The following HBZ variants were observed in gnomAD, a reference collection of about 807,000 sequenced individuals.
The protein encoded by HBZ is hemoglobin zeta chain.
HBZ carries 2 observed loss-of-function variants against 5.8 expected under a neutral mutation model. The observed-to-expected ratio is 0.34, with a 90% CI of 0.14 to 1.09. HBZ has a LOEUF of 1.09. HBZ is among the 50% of genes least tolerant of loss of function. The probability of loss-of-function intolerance (pLI) is 0.42; values close to 1 mark genes in which losing one functional copy is unlikely to be tolerated. For missense variants in HBZ, 47 were observed against 97.8 expected (o/e 0.48, Z 2.19); for synonymous variants, 39 against 47.4 (o/e 0.82, Z 0.73).
rs1468839037 is a variant in HBZ at position 152,979 on chromosome 16, A to T, written c.70A>T (p.Thr24Ser). ...MWAKISTQAD[T>S]IGTETLERLF... ...GGCCAAGATCTCCACGCAGGCCGAC[A>T]CCATCGGCACCGAGACTCTGGAGAG... Residue 24 changes from threonine (T) to serine (S), a missense_variant, in exon 1 of 3, where the codon ACC becomes TCC. Coordinates refer to ENST00000252951, the MANE Select transcript of HBZ (RefSeq NM_005332.3). 2 of 1,609,726 alleles carry T rather than the reference A, an allele frequency of 1.2e-6. No individual in the cohort carries two copies. The highest frequency in any genetic ancestry group is 2.2e-5 in the South Asian group (2 of 90,980).
rs980406468 is a variant in HBZ at position 152,781 on chromosome 16, C to T, written c.-129C>T. ...AACACCACCCCTGCAGCCCCCTCCC[C>T]TCACCTGACCAATGGCCACAGCCTG... On this transcript the variant is annotated 5_prime_UTR_variant, in exon 1 of 3. Coordinates refer to ENST00000252951, the MANE Select transcript of HBZ (RefSeq NM_005332.3). 3.3e-5 allele frequency: 49 copies of T among 1,477,440 alleles called. No homozygotes were observed. The highest frequency in any genetic ancestry group is 4.5e-6 in the Non-Finnish European group (5 of 1,103,550). The allele number at this position is 1,477,440 out of a possible 1,614,324, so 91.5% of individuals were successfully genotyped here.
intron 1 of HBZ, among the ~76,000 whole-genome samples, 197 bp downstream of exon 1, chr16:153,201 G>C (rs1326298807): frequency 3.7e-4 from 57 of 152,094 alleles, no homozygotes; most frequent in African/African-American, 1.3e-3. Context: ...CCGTGGAGAG[G>C]GGACAGTGAG....
rs111716204 is a variant in HBZ, at chr16:154,411, C to G, written c.*11C>G. ...GAGAAGTACCGCTGAGCGCCGCCTC[C>G]GGGACCCCCAGGACAGGCTGCGGCC... On this transcript the variant is annotated 3_prime_UTR_variant, in exon 3 of 3. Coordinates refer to ENST00000252951, the MANE Select transcript of HBZ (RefSeq NM_005332.3). 7.5e-3 allele frequency: 11,217 copies of G among 1,493,610 alleles called. 578 individuals are homozygous for G. The African/African-American group carries it at 0.14, about 18-fold the overall frequency. The allele number at this position is 1,493,610 out of a possible 1,614,324, so 92.5% of individuals were successfully genotyped here.
rs914709234 is a variant in HBZ, at chr16:152,649, C to G, written c.-261C>G. 1.8e-6 allele frequency: 1 copy of G among 557,290 alleles called. No individual in the cohort carries two copies. Among genetic ancestry groups the G allele is most frequent in the African/African-American group, 1.9e-5 (1 of 52,676 alleles). The allele number at this position is 557,290 out of a possible 1,614,324, so 34.5% of individuals were successfully genotyped here. On this transcript the variant is annotated 5_prime_UTR_variant, in exon 1 of 3. Coordinates refer to ENST00000252951, the MANE Select transcript of HBZ (RefSeq NM_005332.3). ...CTCTCCTAGACTCTGTGGTCAGACTCTGGCCAACACCCCCTGTAAGGCCAC... is the reference window on the plus strand; with the variant it reads ...CTCTCCTAGACTCTGTGGTCAGACTGTGGCCAACACCCCCTGTAAGGCCAC...
rs751257941 is a variant in HBZ, at chr16:154,448, C to G, written c.*48C>G. The G allele has an allele frequency of 2.3e-6, 3 of 1,325,860 alleles. No individual in the cohort carries two copies. The highest frequency in any genetic ancestry group is 2.5e-5 in the Admixed American group (1 of 40,118). 82.1% of individuals were successfully genotyped at this position (1,325,860 alleles called of 1,614,324 possible). A position where few individuals can be genotyped will look rare whatever the true frequency, so the allele number is the denominator to read the frequency against. ...GACAGGCTGCGGCCCCTCCCCCGTC[C>G]TGGAGGTTCCCCAGCCCCACTTACC... is the stretch of plus-strand genomic sequence containing the variant. On this transcript the variant is annotated 3_prime_UTR_variant, in exon 3 of 3. Transcript: ENST00000252951.
chr16:154,456 T>G lies in HBZ; in HGVS notation c.*56T>G. The G allele has an allele frequency of 8.0e-7, 1 of 1,256,482 alleles. No individual in the cohort carries two copies. 77.8% of individuals were successfully genotyped at this position (1,256,482 alleles called of 1,614,324 possible). A position where few individuals can be genotyped will look rare whatever the true frequency, so the allele number is the denominator to read the frequency against. ...GCGGCCCCTCCCCCGTCCTGGAGGT[T>G]CCCCAGCCCCACTTACCGCGTAATG... is the stretch of plus-strand genomic sequence containing the variant. On this transcript the variant is annotated 3_prime_UTR_variant, in exon 3 of 3. Transcript: ENST00000252951.
At position 154,458 on chromosome 16, in the gene HBZ, C is replaced by G; in HGVS notation, c.*58C>G. ...GGCCCCTCCCCCGTCCTGGAGGTTC[C>G]CCAGCCCCACTTACCGCGTAATGCG... is the stretch of plus-strand genomic sequence containing the variant. On this transcript the variant is annotated 3_prime_UTR_variant, in exon 3 of 3. Coordinates refer to ENST00000252951, the MANE Select transcript of HBZ (RefSeq NM_005332.3). 1 of 1,220,082 alleles carries G rather than the reference C, an allele frequency of 8.2e-7. No individual in the cohort carries two copies. The highest frequency in any genetic ancestry group is 1.1e-6 in the Non-Finnish European group (1 of 907,994). 75.6% of individuals were successfully genotyped at this position (1,220,082 alleles called of 1,614,324 possible). A position where few individuals can be genotyped will look rare whatever the true frequency, so the allele number is the denominator to read the frequency against.
At position 153,925 on chromosome 16, in the gene HBZ, C is replaced by T. The variant is rs1901659051; in HGVS notation, c.129C>T (p.Tyr43=). 1 of 15,742 alleles carries T rather than the reference C, an allele frequency of 6.4e-5. No homozygotes were observed. Among genetic ancestry groups the T allele is most frequent in the East Asian group, 1.1e-3 (1 of 892 alleles). The allele number at this position is 15,742 out of a possible 1,614,324, so 1.0% of individuals were successfully genotyped here. A position where few individuals can be genotyped will look rare whatever the true frequency, so the allele number is the denominator to read the frequency against. The change falls in exon 2 of 3, where the codon TAC becomes TAT. Residue 43 remains tyrosine, a synonymous_variant. Transcript: ENST00000252951. The part of the protein sequence containing the change: ...LFLSHPQTKT[Y]FPHFDLHPGS... Reference sequence around the variant, plus strand: ...TCAGCCACCCGCAGACCAAGACCTACTTCCCGCACTTCGACCTGCACCCGG... The same window carrying T: ...TCAGCCACCCGCAGACCAAGACCTATTTCCCGCACTTCGACCTGCACCCGG...
chr16:153,009 G>C lies in HBZ; in HGVS notation c.95+5G>C, dbSNP rs757635402. On this transcript the variant is annotated splice_donor_5th_base_variant and intron_variant, in intron 1 of 2. Coordinates refer to ENST00000252951, the MANE Select transcript of HBZ (RefSeq NM_005332.3). ...CGGCACCGAGACTCTGGAGAGGTGA[G>C]TGTCAGACGGGACTGCCAGAGGGAC... The C allele has an allele frequency of 1.9e-6, 3 of 1,596,200 alleles. No homozygotes were observed. The highest frequency in any genetic ancestry group is 1.3e-5 in the African/African-American group (1 of 74,400).
chr16:152,647 C>A lies in HBZ; in HGVS notation c.-263C>A. On this transcript the variant is annotated 5_prime_UTR_variant, in exon 1 of 3. Transcript: ENST00000252951. ...ATCTCTCCTAGACTCTGTGGTCAGA[C>A]TCTGGCCAACACCCCCTGTAAGGCC... 1 of 548,762 alleles carries A rather than the reference C, an allele frequency of 1.8e-6. No homozygotes were observed. Among genetic ancestry groups the A allele is most frequent in the Non-Finnish European group, 3.2e-6 (1 of 315,984 alleles). 34.0% of individuals were successfully genotyped at this position (548,762 alleles called of 1,614,324 possible). A position where few individuals can be genotyped will look rare whatever the true frequency, so the allele number is the denominator to read the frequency against.
At chr16:153,613 G>A (rs1211867694) in intron 1 of HBZ, among the ~76,000 whole-genome samples, 1 of 12,610 alleles carries the variant, frequency 7.9e-5, no homozygotes, top group Admixed American at 7.4e-4. Context: ...GGGGGCACCA[G>A]GCGTGCTGGA....
At position 152,926 on chromosome 16, in the gene HBZ, C is replaced by T; in HGVS notation, c.17C>T (p.Thr6Ile). 4 of 1,612,802 alleles carry T rather than the reference C, an allele frequency of 2.5e-6. No individual in the cohort carries two copies. The highest frequency in any genetic ancestry group is 3.4e-6 in the Non-Finnish European group (4 of 1,179,674). ...CCTGCCGCCATGTCTCTGACCAAGACTGAGAGGACCATCATTGTGTCCATG... is the reference window on the plus strand; with the variant it reads ...CCTGCCGCCATGTCTCTGACCAAGATTGAGAGGACCATCATTGTGTCCATG... MSLTK[T>I]ERTIIVSMWA... Residue 6 changes from threonine (T) to isoleucine (I), a missense_variant, in exon 1 of 3, where the codon ACT becomes ATT. Thr to Ile is a moderately conservative substitution (Grantham distance 89, BLOSUM62 -1). Around this residue, in one of 3 missense-constraint regions of HBZ, gnomAD observed 29 missense variants for 39.7 expected, o/e 0.73. Transcript: ENST00000252951.
chr16:154,152 G>GGCGGTGCGGT (rs1567158064), intron 2 of HBZ, 56 bp downstream of exon 2: 16 of 48,282 alleles, frequency 3.3e-4, no homozygotes, highest in Admixed American at 7.9e-4. Flanking sequence ...GTGCGGGCGG[G>GGCGGTGCGGT]GCGGGGCGGG....
At position 154,502 on chromosome 16, in the gene HBZ, A is replaced by C; in HGVS notation, c.*102A>C. On this transcript the variant is annotated 3_prime_UTR_variant, in exon 3 of 3. Transcript: ENST00000252951. ...TAATGCGCCAATAAACCAATGAACG[A>C]AGCAGCGTCCACCTGGTCTCTGTTG... 6.3e-6 allele frequency: 5 copies of C among 788,182 alleles called. No homozygotes were observed. Among genetic ancestry groups the C allele is most frequent in the Non-Finnish European group, 9.1e-6 (5 of 550,846 alleles). 48.8% of individuals were successfully genotyped at this position (788,182 alleles called of 1,614,324 possible). A position where few individuals can be genotyped will look rare whatever the true frequency, so the allele number is the denominator to read the frequency against.
chr16:152,677 G>T lies in HBZ; in HGVS notation c.-233G>T, dbSNP rs956717813. ...GCCAACACCCCCTGTAAGGCCACAG[G>T]AGAGGAACAGGAGTGATAGCCCCCA... On this transcript the variant is annotated 5_prime_UTR_variant, in exon 1 of 3. Transcript: ENST00000252951. The T allele has an allele frequency of 2.9e-6, 2 of 695,402 alleles. No homozygotes were observed. Among genetic ancestry groups the T allele is most frequent in the African/African-American group, 1.8e-5 (1 of 55,472 alleles). The allele number at this position is 695,402 out of a possible 1,614,324, so 43.1% of individuals were successfully genotyped here.
At chr16:153,528 G>A (rs1195438201) in intron 1 of HBZ, among the ~76,000 whole-genome samples, 1 of 55,548 alleles carries the variant, frequency 1.8e-5, no homozygotes, top group Non-Finnish European at 4.0e-5. Context: ...TCATGAGCCT[G>A]CAGAAGGGGT....
At chr16:153,283 T>C (rs1466543459) in intron 1 of HBZ, among the ~76,000 whole-genome samples, 2 of 150,082 alleles carry the variant, frequency 1.3e-5, no homozygotes, top group Non-Finnish European at 3.0e-5. Flanking sequence ...CGATTAGGAG[T>C]TGCACAACCA....
chr16:152,779 C>T lies in HBZ; in HGVS notation c.-131C>T. 1.3e-5 allele frequency: 19 copies of T among 1,469,230 alleles called. No homozygotes were observed. The highest frequency in any genetic ancestry group is 2.1e-5 in the Admixed American group (1 of 47,310). The allele number at this position is 1,469,230 out of a possible 1,614,324, so 91.0% of individuals were successfully genotyped here. A position where few individuals can be genotyped will look rare whatever the true frequency, so the allele number is the denominator to read the frequency against. ...GAAACACCACCCCTGCAGCCCCCTC[C>T]CCTCACCTGACCAATGGCCACAGCC... On this transcript the variant is annotated 5_prime_UTR_variant, in exon 1 of 3. Coordinates refer to ENST00000252951, the MANE Select transcript of HBZ (RefSeq NM_005332.3).
Position 152,688 on chromosome 16 carries a change from G to A in HBZ, c.-222G>A. On this transcript the variant is annotated 5_prime_UTR_variant, in exon 1 of 3. Coordinates refer to ENST00000252951, the MANE Select transcript of HBZ (RefSeq NM_005332.3). ...CTGTAAGGCCACAGGAGAGGAACAG[G>A]AGTGATAGCCCCCAAACCCCAGTCC... 1.4e-6 allele frequency: 1 copy of A among 738,086 alleles called. No individual in the cohort carries two copies. The highest frequency in any genetic ancestry group is 1.9e-5 in the South Asian group (1 of 53,094). The allele number at this position is 738,086 out of a possible 1,614,324, so 45.7% of individuals were successfully genotyped here.
Sources: allele counts gnomAD v4.1 joint callset (sites outside exome capture counted in the v4.1 genomes callset), GRCh38; gene constraint gnomAD v4.1.1; regional missense constraint gnomAD v4.1.1; transcripts MANE v1.5; gene names NCBI Gene and HGNC (gene_info 2026-07-23, HGNC 2026-07-21).